Variants in DNAH7 observed in about 807,000 individuals in gnomAD.
The protein encoded by DNAH7 is axonemal beta dynein heavy chain 7.
In DNAH7, 397 loss-of-function variants were observed where a neutral mutation model predicts 444.6. The ratio of observed to expected loss-of-function variants is 0.89; its 90% CI spans 0.82 to 0.97. DNAH7 has a LOEUF of 0.97. Among genes scored for constraint, DNAH7 ranks in the 50% least tolerant of loss-of-function variants. DNAH7 has a pLI of 0.00. For missense variants in DNAH7, 4,902 were observed against 4,800.8 expected, an observed-to-expected ratio of 1.02 and a Z score of -0.62; for synonymous variants, 1,636 against 1,624.4, an observed-to-expected ratio of 1.01 and a Z score of -0.17.
chr2:196,011,814 T>C (rs1694742962), intron 10 of DNAH7, among the ~76,000 whole-genome samples: 1 of 152,166 alleles, frequency 6.6e-6, no homozygotes, highest in South Asian at 2.1e-4. Flanking sequence ...GACACCCATT[T>C]AACTAAAATT....
At chr2:195,846,496 T>A (rs1478664211) in intron 46 of DNAH7, among the ~76,000 whole-genome samples, 1 of 152,190 alleles carries the variant, frequency 6.6e-6, no homozygotes. Flanking sequence ...AGCAACCCCA[T>A]TACTGTGTAT....
intron 24 of DNAH7, among the ~76,000 whole-genome samples, chr2:195,915,909 C>T (rs933394083): frequency 6.6e-6 from 1 of 152,218 alleles, no homozygotes; most frequent in African/African-American, 2.4e-5. Context: ...GATAATTGCT[C>T]AGCCACTTAT....
chr2:196,038,167 C>T (rs1696514160), intron 5 of DNAH7, among the ~76,000 whole-genome samples: 1 of 151,980 alleles, frequency 6.6e-6, no homozygotes, highest in Admixed American at 6.5e-5. Flanking sequence ...GCAAAGCTAT[C>T]CTTCAGAAGT....
chr2:195,923,356 G>C (rs1443532225), intron 23 of DNAH7, among the ~76,000 whole-genome samples: 3 of 151,996 alleles, frequency 2.0e-5, no homozygotes, highest in Non-Finnish European at 2.9e-5. Flanking sequence ...TCTATATATG[G>C]ATATATGTTT....
Position 195,882,004 on chromosome 2 carries a change from T to G in DNAH7, c.5764-12A>C. 4 of 1,607,130 alleles carry G rather than the reference T, an allele frequency of 2.5e-6. No individual in the cohort carries two copies. The highest frequency in any genetic ancestry group is 3.4e-6 in the Non-Finnish European group (4 of 1,174,640). On this transcript the variant is annotated splice_polypyrimidine_tract_variant and intron_variant, in intron 35 of 64. Transcript: ENST00000312428. ...CATTTTCCTATTCCCTGTTTATAATTAACAACCAAGTAATGAATGCTATAA... is the reference window on the plus strand; with the variant it reads ...CATTTTCCTATTCCCTGTTTATAATGAACAACCAAGTAATGAATGCTATAA...
intron 10 of DNAH7, among the ~76,000 whole-genome samples, chr2:196,009,016 C>T (rs1042375656): frequency 1.1e-4 from 17 of 152,020 alleles, no homozygotes; most frequent in Admixed American, 2.0e-4. Flanking sequence ...ATGGCCAGAG[C>T]GAGTGCAAGA....
At chr2:195,821,767 T>C (rs1404519611) in intron 49 of DNAH7, among the ~76,000 whole-genome samples, 2 of 152,192 alleles carry the variant, frequency 1.3e-5, no homozygotes, top group East Asian at 3.8e-4. Flanking sequence ...GGAGTTGCTT[T>C]AGCCTCCACA....
intron 12 of DNAH7, among the ~76,000 whole-genome samples, chr2:195,988,517 A>T (rs1347028232): frequency 1.3e-5 from 2 of 152,120 alleles, no homozygotes; most frequent in African/African-American, 4.8e-5. Context: ...AATATTTAGA[A>T]TAAAAAACAG....
chr2:196,001,742 G>C lies in DNAH7; in HGVS notation c.1106C>G (p.Thr369Ser). The C allele has an allele frequency of 6.2e-7, 1 of 1,609,304 alleles. No individual in the cohort carries two copies. Among genetic ancestry groups the C allele is most frequent in the South Asian group, 1.1e-5 (1 of 89,714 alleles). ...SFFNCAAALM[T>S]LQLQDLTLVS... ...TAAAGTGAGGTCCTGCAGCTGTAAA[G>C]TCATAAGTGCAGCAGCACAGTTGAA... Residue 369 changes from threonine (T) to serine (S), a missense_variant, in exon 11 of 65, where the codon ACT becomes AGT. Coordinates refer to ENST00000312428, the MANE Select transcript of DNAH7 (RefSeq NM_018897.3).
chr2:196,065,188 T>C (rs1360889894), intron 1 of DNAH7, among the ~76,000 whole-genome samples: 1 of 152,174 alleles, frequency 6.6e-6, no homozygotes, highest in Non-Finnish European at 1.5e-5. Context: ...CTGCATGAAA[T>C]TTTTTAGGAC....
At chr2:195,988,976 G>T (rs1342277539) in intron 12 of DNAH7, among the ~76,000 whole-genome samples, 1 of 152,084 alleles carries the variant, frequency 6.6e-6, no homozygotes, top group Non-Finnish European at 1.5e-5. Flanking sequence ...TTAACATAAT[G>T]CCCTCCAGGG....
chr2:195,783,110 A>C (rs1453000734), intron 58 of DNAH7, among the ~76,000 whole-genome samples: 3 of 152,084 alleles, frequency 2.0e-5, no homozygotes, highest in African/African-American at 7.2e-5. Flanking sequence ...ATCACCACCA[A>C]TCCACACCAG....
rs566477890 is a variant in DNAH7, at chr2:195,967,328, T to C, written c.2205+2620A>G. On this transcript the variant is annotated intron_variant, in intron 17 of 64. Coordinates refer to ENST00000312428, the MANE Select transcript of DNAH7 (RefSeq NM_018897.3). ...GTACTGTTTATATCTTGAAAAGTAG[T>C]TGCATTTATTATTTTTGATGGGCTC... 1.6e-4 allele frequency among the ~76,000 whole-genome samples: 25 copies of C among 152,284 alleles called. No homozygotes were observed. The South Asian group carries it at 5.2e-3, about 32-fold the overall frequency.
Position 195,835,705 on chromosome 2 carries a change from G to A in DNAH7, c.8946-1345C>T, listed in dbSNP as rs140553019. Among the ~76,000 whole-genome samples the A allele has an allele frequency of 1.3e-3, 193 of 152,036 alleles. 3 individuals carry two copies. The Middle Eastern group carries it at 0.024, about 19-fold the overall frequency. On this transcript the variant is annotated intron_variant, in intron 47 of 64. Coordinates refer to ENST00000312428, the MANE Select transcript of DNAH7 (RefSeq NM_018897.3). ...CTAAAAATACAAAAATTAGCTGGGCGTGGTGGTGCATGCCTGTAATCCCAG... is the reference window on the plus strand; with the variant it reads ...CTAAAAATACAAAAATTAGCTGGGCATGGTGGTGCATGCCTGTAATCCCAG...
intron 14 of DNAH7, among the ~76,000 whole-genome samples, chr2:195,985,625 T>C (rs918326766): frequency 1.3e-5 from 2 of 152,216 alleles, no homozygotes; most frequent in Middle Eastern, 3.2e-3. Flanking sequence ...AGTCCTGATA[T>C]GTCCTCTGTC....
intron 49 of DNAH7, among the ~76,000 whole-genome samples, chr2:195,821,026 C>T (rs1027066389): frequency 6.6e-6 from 1 of 152,130 alleles, no homozygotes. Flanking sequence ...AGGCCAATGC[C>T]TAAGCAACTT....
At chr2:196,047,630 A>ATTTT in intron 4 of DNAH7, 131 bp from the exon 5 acceptor site, 4 of 519,136 alleles carry the variant, frequency 7.7e-6, no homozygotes, top group South Asian at 7.3e-5. Flanking sequence ...CCTAAGTATA[A>ATTTT]TTTTTTTTTT....
intron 19 of DNAH7, among the ~76,000 whole-genome samples, chr2:195,947,481 C>T (rs1017415967): frequency 6.6e-6 from 1 of 152,058 alleles, no homozygotes; most frequent in African/African-American, 2.4e-5. Flanking sequence ...GTGTGACGTT[C>T]CCCTCCCTGT....
intron 15 of DNAH7, 94 bp downstream of exon 15, chr2:195,984,538 T>A: frequency 1.6e-6 from 2 of 1,220,008 alleles, no homozygotes; most frequent in Non-Finnish European, 2.4e-6. Flanking sequence ...TTATTTTTAA[T>A]CTGTCTTAAC....
Sources: allele counts gnomAD v4.1 joint callset (sites outside exome capture counted in the v4.1 genomes callset), GRCh38; gene constraint gnomAD v4.1.1; transcripts MANE v1.5; gene names NCBI Gene and HGNC (gene_info 2026-07-23, HGNC 2026-07-21).